Variants in ERI2 observed in about 807,000 individuals in gnomAD.
ERI2 encodes ERI1 exoribonuclease family member 2, also known as ERI1 exoribonuclease 2.
ERI2 carries 35 observed loss-of-function variants against 46.8 expected under a neutral mutation model. The observed-to-expected ratio is 0.75, with a 90% confidence interval of 0.57 to 0.99. The LOEUF is 0.99. Among genes scored for constraint, ERI2 ranks in the 50% least tolerant of loss-of-function variants. The pLI is 0.00. For synonymous variants in ERI2, 224 were observed against 271.0 expected (o/e 0.83, Z 1.70); for missense variants, 695 against 796.2 (o/e 0.87, Z 1.53).
exon 11 of ERI2, chr16:20,780,589 C>T (rs2080330093): frequency 1.9e-6 from 3 of 1,597,456 alleles, no homozygotes; most frequent in Non-Finnish European, 2.6e-6. Flanking sequence ...GTAATTCAAG[C>T]TAAGCCACTG....
chr16:20,780,703 T>G (rs763848035), exon 11 of ERI2: 1 of 1,614,094 alleles, frequency 6.2e-7, no homozygotes, highest in Non-Finnish European at 8.5e-7. Flanking sequence ...ATTGTAGTTT[T>G]TCCTTTGCAG....
Position 20,798,823 on chromosome 16 carries a change from CT to C in ERI2, c.976del (p.Ser326ValfsTer22), listed in dbSNP as rs776443264. ...NIKASLHNVK[S>X]SLPLFNTKSS... ...CTTAGTATTAAAAAGAGGTAAGGAA[CT>C]TTTGACATTGTGAAGACTTGCTTTT... On this transcript the variant is annotated frameshift_variant, in exon 9 of 9. Transcript: ENST00000357967. LOFTEE classifies it low-confidence loss of function (END_TRUNC). 1.9e-6 allele frequency: 3 copies of C among 1,551,354 alleles called. No homozygotes were observed. Among genetic ancestry groups the C allele is most frequent in the African/African-American group, 2.7e-5 (2 of 73,032 alleles).
downstream of ERI2, chr16:20,792,122 TCCTCTGGGTAA>T: frequency 6.2e-7 from 1 of 1,614,166 alleles, no homozygotes; most frequent in South Asian, 1.1e-5. Flanking sequence ...TGTCATATTA[TCCTCTGGGTAA>T]CTTTCTTTTC....
At chr16:20,782,732 G>A (rs2080380225) in intron 10 of ERI2, among the ~76,000 whole-genome samples, 1 of 152,198 alleles carries the variant, frequency 6.6e-6, no homozygotes, top group Non-Finnish European at 1.5e-5. Context: ...CAAATCAGAG[G>A]TTCCCATGAC....
downstream of ERI2, among the ~76,000 whole-genome samples, chr16:20,795,866 G>A (rs565284023): frequency 1.3e-5 from 2 of 152,324 alleles, no homozygotes; most frequent in East Asian, 3.9e-4. Context: ...ACTAGGCAGA[G>A]TTTTCAAAAA....
chr16:20,798,321 A>G lies in ERI2; in HGVS notation c.1479T>C (p.Gly493=). 6.4e-7 allele frequency: 1 copy of G among 1,551,532 alleles called. No individual in the cohort carries two copies. Among genetic ancestry groups the G allele is most frequent in the Non-Finnish European group, 8.7e-7 (1 of 1,146,884 alleles). Residue 493 remains glycine, a synonymous_variant, in exon 9 of 9, where the codon GGT becomes GGC. Transcript: ENST00000357967. ...GTAACTTAAAGGCAGAAATATCTGA[A>G]CCTGGATCTTTGGCTTCTTTTACAT... is the stretch of plus-strand genomic sequence containing the variant. ...IYNVKEAKDP[G]SDISAFKLPE... is the part of the protein sequence containing the mutation.
chr16:20,783,893 C>T (rs910320256), intron 10 of ERI2, among the ~76,000 whole-genome samples: 9 of 152,024 alleles, frequency 5.9e-5, no homozygotes, highest in African/African-American at 1.7e-4. Flanking sequence ...CTGCAACCTC[C>T]GCCTCCTGTT....
chr16:20,789,650 G>C, intron 9 of ERI2: 1 of 866,726 alleles, frequency 1.2e-6, no homozygotes, highest in Non-Finnish European at 1.9e-6. Flanking sequence ...AAGCAGGTTG[G>C]CAAAACTGTA....
chr16:20,792,618 A>C, downstream of ERI2: 1 of 985,424 alleles, frequency 1.0e-6, no homozygotes, highest in Non-Finnish European at 1.2e-6. Flanking sequence ...AATGCCAGTA[A>C]CCCAGGCTCA....
At chr16:20,799,149 A>G in intron 8 of ERI2, 82 bp from the exon 9 acceptor site, 1 of 1,500,614 alleles carries the variant, frequency 6.7e-7, no homozygotes, top group Non-Finnish European at 8.9e-7. Flanking sequence ...ATGACAAAAA[A>G]GAGAAATGTC....
intron 10 of ERI2, among the ~76,000 whole-genome samples, chr16:20,787,532 T>A (rs1282851153): frequency 6.6e-6 from 1 of 152,218 alleles, no homozygotes; most frequent in African/African-American, 2.4e-5. Context: ...ATTCAATAGA[T>A]TTGGAGTGGA....
At position 20,790,798 on chromosome 16, in the gene ERI2, G is replaced by C; in HGVS notation, c.815+52C>G. The C allele has an allele frequency of 6.2e-7, 1 of 1,613,388 alleles. No individual in the cohort carries two copies. Among genetic ancestry groups the C allele is most frequent in the Non-Finnish European group, 8.5e-7 (1 of 1,179,610 alleles). On this transcript the variant is annotated intron_variant, in intron 9 of 10. Coordinates refer to the ERI2 transcript ENST00000300005. The surrounding 1 kb of genome is among the most constrained non-coding windows in gnomAD (Gnocchi z 4.0). ...GGATAGGTACTTGACCCTTTCTTGA[G>C]AGATTGGTTGTCCTGAATAGTAATC...
At chr16:20,789,487 A>G (rs371865528) in exon 10 of ERI2, 2 of 1,612,270 alleles carry the variant, frequency 1.2e-6, no homozygotes, top group African/African-American at 2.7e-5. Flanking sequence ...ACCATTGTCA[A>G]CCAGAGAATA....
chr16:20,799,535 T>C (rs1346992715), intron 7 of ERI2, 184 bp from the exon 8 acceptor site: 7 of 591,360 alleles, frequency 1.2e-5, no homozygotes, highest in Admixed American at 1.0e-4. Flanking sequence ...TATGGCAGCA[T>C]TACCAGTGAA....
In ERI2 at chr16:20,796,990, C is replaced by T. The variant is rs777752040; in HGVS notation, c.*734G>A. ...CAATTTAAAGTTGTTTCATTAATTA[C>T]CATATCTATAAAACAAACATAGTAT... On this transcript the variant is annotated 3_prime_UTR_variant, in exon 9 of 9. Transcript: ENST00000357967. 3.0e-5 allele frequency: 49 copies of T among 1,608,522 alleles called. No individual in the cohort carries two copies. Among genetic ancestry groups the T allele is most frequent in the Non-Finnish European group, 4.2e-5 (49 of 1,178,050 alleles).
Position 20,801,357 on chromosome 16 carries a change from AGC to A in ERI2, c.304_305del (p.Ala102SerfsTer3), listed in dbSNP as rs2080793647. 1 of 1,593,842 alleles carries A rather than the reference AGC, an allele frequency of 6.3e-7. No homozygotes were observed. The highest frequency in any genetic ancestry group is 8.5e-7 in the Non-Finnish European group (1 of 1,171,934). On this transcript the variant is annotated frameshift_variant and splice_region_variant, in exon 5 of 9. Coordinates refer to ENST00000357967, the MANE Select transcript of ERI2 (RefSeq NM_001142725.2). LOFTEE classifies it high-confidence loss of function. Reference protein sequence around the residue: ...FCMELTGIKQAQVDEGVPLKI... With the variant: ...FCMELTGIKQXQVDEGVPLKI... Reference sequence around the variant, plus strand: ...TCAGAGGGACTCCTTCATCAACTTGAGCCTGAGTAGAGAGTCACAAAAGCTGA... The same window carrying A: ...TCAGAGGGACTCCTTCATCAACTTGACTGAGTAGAGAGTCACAAAAGCTGA...
chr16:20,791,960 A>G, downstream of ERI2: 1 of 1,602,216 alleles, frequency 6.2e-7, no homozygotes, highest in Non-Finnish European at 8.5e-7. Flanking sequence ...TGACCAGAAG[A>G]GTTGGATTCA....
chr16:20,787,613 A>G (rs2080502527), intron 10 of ERI2, among the ~76,000 whole-genome samples: 1 of 152,202 alleles, frequency 6.6e-6, no homozygotes, highest in African/African-American at 2.4e-5. Flanking sequence ...AATAAGTTTG[A>G]GAGAGTTTAG....
intron 10 of ERI2, among the ~76,000 whole-genome samples, chr16:20,782,514 G>T (rs951941502): frequency 2.6e-5 from 4 of 152,106 alleles, no homozygotes; most frequent in African/African-American, 9.7e-5. Context: ...AATACTCTGG[G>T]TCTCCAGATG....
Sources: gnomAD v4.1 joint callset for allele counts (sites outside exome capture counted in the v4.1 genomes callset) on GRCh38, gnomAD v4.1.1 for gene constraint, Gnocchi (gnomAD v3.1) non-coding constraint, MANE v1.5 for transcripts, NCBI Gene and HGNC (gene_info 2026-07-23, HGNC 2026-07-21) for gene names.